ADCY6: variants seen among roughly 807,000 people sequenced by gnomAD.
ADCY6 encodes adenylate cyclase type 6.
A neutral mutation model predicts 111.6 loss-of-function variants in ADCY6; 59 were observed. The observed-to-expected ratio is 0.53, with a 90% CI of 0.43 to 0.66. The LOEUF (loss-of-function observed/expected upper bound fraction) is 0.66, where lower values mean the gene tolerates loss of function less well. Ranked by LOEUF, ADCY6 falls within the 30% of genes least tolerant of loss-of-function variation. The pLI is 0.00. For synonymous variants in ADCY6, 576 were observed against 642.9 expected, an observed-to-expected ratio of 0.90 and a Z score of 1.57; for missense variants, 1,242 against 1,595.6, an observed-to-expected ratio of 0.78 and a Z score of 3.78.
Position 48,774,404 on chromosome 12 carries a change from T to C in ADCY6, c.2281A>G (p.Met761Val), listed in dbSNP as rs765783723. Residue 761 changes from methionine to valine, a missense_variant and splice_region_variant, in exon 14 of 22, where the codon ATG (methionine) becomes GTG (valine). By Grantham distance (21) the Met-to-Val change is conservative (BLOSUM62 1). Transcript: ENST00000357869. ...LLVFTSAIAN[M>V]FTCNHTPIRS... ...GAGAATTCCCACTGGACCCTTACCA[T>C]GTTGGCAATGGCAGAAGTAAACACA... 1.2e-6 allele frequency: 2 copies of C among 1,611,944 alleles called. No homozygotes were observed. The highest frequency in any genetic ancestry group is 4.5e-5 in the East Asian group (2 of 44,850).
In ADCY6 at chr12:48,783,428, A is replaced by G. The variant is rs1941909325; in HGVS notation, c.7T>C (p.Trp3Arg). 1 of 1,614,084 alleles carries G rather than the reference A, an allele frequency of 6.2e-7. No homozygotes were observed. Among genetic ancestry groups the G allele is most frequent in the African/African-American group, 1.3e-5 (1 of 74,942 alleles). Residue 3 changes from tryptophan to arginine, a missense_variant, in exon 2 of 22, where the codon TGG becomes CGG. Trp to Arg is a moderately radical substitution (Grantham distance 101). Around this residue, in one of 4 missense-constraint regions of ADCY6, gnomAD observed 362 missense variants for 377.2 expected, o/e 0.96. Transcript: ENST00000357869. MS[W>R]FSGLLVPKVD... ...TTAGGGACCAGGAGGCCACTAAACC[A>G]TGACATGTTGCTGGTAGGGAAGGAA...
chr12:48,778,294 C>T, intron 2 of ADCY6, 37 bp from the exon 3 acceptor site: 5 of 1,613,592 alleles, frequency 3.1e-6, no homozygotes, highest in Non-Finnish European at 4.2e-6. Flanking sequence ...TGACCATCTC[C>T]TCTGCCTGCC....
rs1592164136 is a variant in ADCY6, at chr12:48,782,405, A to G, written c.864+166T>C. 6.6e-6 allele frequency among the ~76,000 whole-genome samples: 1 copy of G among 151,798 alleles called. No homozygotes were observed. Among genetic ancestry groups the G allele is most frequent in the Admixed American group, 6.6e-5 (1 of 15,228 alleles). ...ATCCCACATGGAGGCAGACCCCTCA[A>G]CCCTAGCCTCCCACCTCCTGCTCCT... On this transcript the variant is annotated intron_variant, in intron 2 of 21. Transcript: ENST00000357869. The surrounding 1 kb of genome is among the most constrained non-coding windows in gnomAD (Gnocchi z 4.3).
At position 48,787,428 on chromosome 12, in the gene ADCY6, G is replaced by A. The variant is rs967371731; in HGVS notation, c.-5+1478C>T. 2.6e-5 allele frequency among the ~76,000 whole-genome samples: 4 copies of A among 152,168 alleles called. No individual in the cohort carries two copies. The East Asian group carries it at 7.7e-4, about 29-fold the overall frequency. On this transcript the variant is annotated intron_variant, in intron 1 of 21. Transcript: ENST00000357869. ...CACTCTGACCCCCCCCAAGGGGATAGCTTCAGAGCTATGTAATTGTCCAAC... is the reference window on the plus strand; with the variant it reads ...CACTCTGACCCCCCCCAAGGGGATAACTTCAGAGCTATGTAATTGTCCAAC...
chr12:48,773,383 G>C (rs1941602776), intron 16 of ADCY6, 86 bp downstream of exon 16: 6 of 1,458,516 alleles, frequency 4.1e-6, no homozygotes, highest in Non-Finnish European at 5.6e-6. Flanking sequence ...CAAGGCACAA[G>C]GGGCATGGGC....
intron 1 of ADCY6, among the ~76,000 whole-genome samples, chr12:48,785,595 G>A (rs1287423052): frequency 3.9e-4 from 59 of 152,136 alleles, no homozygotes; most frequent in Non-Finnish European, 4.4e-5. Flanking sequence ...CTCCAGCTTG[G>A]GCAATAAGAG....
rs541562573 is a variant in ADCY6, at chr12:48,782,868, G to A, written c.567C>T (p.Ala189=). 12 of 1,614,046 alleles carry A rather than the reference G, an allele frequency of 7.4e-6. No homozygotes were observed. The South Asian group carries it at 1.3e-4, about 18-fold the overall frequency. ...AYVALLACAA[A]LFVGLMVVCN... is the part of the protein sequence containing the mutation. Reference sequence around the variant, plus strand: ...ACACCACCATGAGCCCCACGAACAGGGCGGCGGCACAGGCCAACAGTGCCA... The same window carrying A: ...ACACCACCATGAGCCCCACGAACAGAGCGGCGGCACAGGCCAACAGTGCCA... Residue 189 remains alanine (A), a synonymous_variant, in exon 2 of 22, where the codon GCC becomes GCT. Transcript: ENST00000357869. The surrounding 1 kb of genome is among the most constrained non-coding windows in gnomAD (Gnocchi z 4.3).
In ADCY6 at chr12:48,770,882, G is replaced by T; in HGVS notation, c.3140C>A (p.Thr1047Asn). ...YMAASGLNAS[T>N]YDQVGRSHIT... ...GTGGGAGCGGCCCACCTGATCGTAG[G>T]TGCTGGCGTTCAGCCCTGAGGCAGC... is the stretch of plus-strand genomic sequence containing the variant. The change falls in exon 20 of 22, where the codon ACC becomes AAC. Residue 1047 changes from threonine to asparagine, a missense_variant. Thr to Asn is a moderately conservative substitution (Grantham distance 65, BLOSUM62 0). Transcript: ENST00000357869. The T allele has an allele frequency of 1.9e-6, 3 of 1,614,236 alleles. No individual in the cohort carries two copies. The highest frequency in any genetic ancestry group is 2.5e-6 in the Non-Finnish European group (3 of 1,180,048).
chr12:48,775,153 G>GCTCAA (rs1471844044), intron 11 of ADCY6, 99 bp from the exon 12 acceptor site: 3 of 1,433,140 alleles, frequency 2.1e-6, no homozygotes, highest in Non-Finnish European at 2.9e-6. Flanking sequence ...GGGAGGAGAT[G>GCTCAA]CAGTTGGCTC....
In ADCY6 at chr12:48,769,072, G is replaced by C; in HGVS notation, c.3257-11C>G. The C allele has an allele frequency of 6.2e-7, 1 of 1,606,490 alleles. No homozygotes were observed. Among genetic ancestry groups the C allele is most frequent in the Non-Finnish European group, 8.5e-7 (1 of 1,175,874 alleles). On this transcript the variant is annotated splice_polypyrimidine_tract_variant and intron_variant, in intron 20 of 21. Coordinates refer to ENST00000357869, the MANE Select transcript of ADCY6 (RefSeq NM_015270.5). ...GGCCCATGTTCAGCCCTGAGGTGGA[G>C]AGAACAGCAAGAGACTAGTGGATGC...
rs1367494589 is a variant in ADCY6, at chr12:48,768,893, T to C, written c.3381+44A>G. On this transcript the variant is annotated intron_variant, in intron 21 of 21. Transcript: ENST00000357869. ...ACTGCAGAGACACCTGTGGAAGCCCTCCGGGCCCATGTTCCTCCCAGCCCC... is the reference window on the plus strand; with the variant it reads ...ACTGCAGAGACACCTGTGGAAGCCCCCCGGGCCCATGTTCCTCCCAGCCCC... 4 of 1,580,088 alleles carry C rather than the reference T, an allele frequency of 2.5e-6. 1 individual carries two copies. Among genetic ancestry groups the C allele is most frequent in the Non-Finnish European group, 3.4e-6 (4 of 1,161,642 alleles).
intron 1 of ADCY6, among the ~76,000 whole-genome samples, chr12:48,784,665 GTTT>G (rs766502422): frequency 2.8e-5 from 2 of 72,318 alleles, no homozygotes; most frequent in Admixed American, 1.7e-4. Flanking sequence ...AAAATCTGGA[GTTT>G]TTTTTTTTTT....
chr12:48,770,711 A>G (rs948306294), intron 20 of ADCY6, 55 bp downstream of exon 20: 1 of 1,566,052 alleles, frequency 6.4e-7, no homozygotes, highest in Non-Finnish European at 8.8e-7. Context: ...CTATAATCCC[A>G]GCTTCACCTG....
intron 1 of ADCY6, among the ~76,000 whole-genome samples, chr12:48,785,636 A>G (rs1941966982): frequency 1.3e-5 from 2 of 152,146 alleles, no homozygotes; most frequent in African/African-American, 4.8e-5. Context: ...TAAAATAATA[A>G]TAATAAATGT....
chr12:48,782,503 C>T lies in ADCY6; in HGVS notation c.864+68G>A. 1 of 1,534,734 alleles carries T rather than the reference C, an allele frequency of 6.5e-7. No individual in the cohort carries two copies. The highest frequency in any genetic ancestry group is 8.8e-7 in the Non-Finnish European group (1 of 1,139,868). ...CTCACCCGCCCTTCCTCACTAAGCC[C>T]CCACCTGCTTATGAGGTGAGAAATT... On this transcript the variant is annotated intron_variant, in intron 2 of 21. Transcript: ENST00000357869. The surrounding 1 kb of genome is among the most constrained non-coding windows in gnomAD (Gnocchi z 4.3).
rs1046562742 is a variant in ADCY6 at position 48,768,869 on chromosome 12, C to T, written c.3381+68G>A. 1.9e-6 allele frequency: 3 copies of T among 1,561,034 alleles called. No homozygotes were observed. The African/African-American group carries it at 4.1e-5, about 21-fold the overall frequency. ...GCCACCCTACCCCTGTCCTAGCAGA[C>T]TGCAGAGACACCTGTGGAAGCCCTC... On this transcript the variant is annotated intron_variant, in intron 21 of 21. Transcript: ENST00000357869.
At chr12:48,780,104 T>A (rs1311437860) in intron 2 of ADCY6, among the ~76,000 whole-genome samples, 2 of 151,626 alleles carry the variant, frequency 1.3e-5, no homozygotes, top group Non-Finnish European at 2.9e-5. Flanking sequence ...CCAGGCAACT[T>A]CCCTTCCTGG....
chr12:48,778,083 C>T, intron 3 of ADCY6, 25 bp downstream of exon 3: 2 of 1,591,814 alleles, frequency 1.3e-6, no homozygotes, highest in South Asian at 1.1e-5. Context: ...TGGGGGCAGG[C>T]CCTGGTCACG....
intron 1 of ADCY6, among the ~76,000 whole-genome samples, chr12:48,785,409 C>A (rs1484649876): frequency 6.6e-6 from 1 of 152,136 alleles, no homozygotes; most frequent in Non-Finnish European, 1.5e-5. Flanking sequence ...CACCTGAGGT[C>A]AGGAGTTCGA....
Sources: gnomAD v4.1 joint callset for allele counts (sites outside exome capture counted in the v4.1 genomes callset) on GRCh38, gnomAD v4.1.1 for gene constraint, gnomAD v4.1.1 regional missense constraint, Gnocchi (gnomAD v3.1) non-coding constraint, MANE v1.5 for transcripts, NCBI Gene and HGNC (gene_info 2026-07-23, HGNC 2026-07-21) for gene names.